Variants in VMP1 observed in about 807,000 individuals in gnomAD.
The protein encoded by VMP1 is vacuole membrane protein 1, also known as ectopic P-granules autophagy protein 3 homolog.
Under a neutral mutation model 56.0 loss-of-function variants are expected in VMP1, and 11 were observed. That is an observed-to-expected ratio of 0.20 (90% CI 0.12 to 0.32). VMP1 has a LOEUF of 0.32. Ranked by LOEUF, VMP1 falls within the 10% of genes least tolerant of loss-of-function variation. The probability of loss-of-function intolerance (pLI) is 1.00; values close to 1 mark genes in which losing one functional copy is unlikely to be tolerated. For synonymous variants in VMP1, 149 were observed against 165.0 expected (o/e 0.90, Z 0.74); for missense variants, 296 against 490.3 (o/e 0.60, Z 3.74).
intron 1 of VMP1, among the ~76,000 whole-genome samples, chr17:59,717,257 A>C (rs2034197814): frequency 6.6e-6 from 1 of 152,160 alleles, no homozygotes. Context: ...GGCATGAGCC[A>C]CCGCGCTCGG....
chr17:59,719,642 A>C (rs1287399710), intron 1 of VMP1, among the ~76,000 whole-genome samples: 2 of 152,208 alleles, frequency 1.3e-5, no homozygotes, highest in East Asian at 3.9e-4. Flanking sequence ...TGCTTTTATC[A>C]TGTTATCCAT....
chr17:59,743,128 A>G (rs1444418402), intron 5 of VMP1, among the ~76,000 whole-genome samples: 1 of 152,186 alleles, frequency 6.6e-6, no homozygotes, highest in Non-Finnish European at 1.5e-5. Context: ...CCCATAGTTT[A>G]TGGGATCTAC....
intron 1 of VMP1, among the ~76,000 whole-genome samples, chr17:59,710,101 G>T (rs1002575495): frequency 1.3e-5 from 2 of 152,142 alleles, no homozygotes; most frequent in African/African-American, 4.8e-5. Flanking sequence ...GGAGGCTGAG[G>T]CAGGAGAATG....
intron 6 of VMP1, among the ~76,000 whole-genome samples, chr17:59,768,068 C>T (rs965625176): frequency 3.3e-5 from 5 of 151,780 alleles, no homozygotes; most frequent in African/African-American, 4.8e-5. Flanking sequence ...CAAGATTGCA[C>T]CTCTGCACTT....
In VMP1 at chr17:59,757,359, G is replaced by A. The variant is rs1386702759; in HGVS notation, c.415-7612G>A. On this transcript the variant is annotated intron_variant, in intron 5 of 11. Transcript: ENST00000262291. ...TTGAATTCTAAGTTTCTCTTAATTA[G>A]AAGAACTAGTAGTGTATTGTTATTC... Among the ~76,000 whole-genome samples, 9 of 151,930 alleles carry A rather than the reference G, an allele frequency of 5.9e-5. No homozygotes were observed. In the East Asian group the frequency reaches 1.7e-3, roughly 29 times the overall value.
intron 1 of VMP1, among the ~76,000 whole-genome samples, chr17:59,723,843 A>G (rs1429030650): frequency 1.3e-5 from 2 of 152,208 alleles, no homozygotes; most frequent in Non-Finnish European, 2.9e-5. Context: ...AAATGCTGAC[A>G]TGGGTGAAGT....
chr17:59,803,951 T>C (rs2037758512), intron 7 of VMP1, among the ~76,000 whole-genome samples: 1 of 151,694 alleles, frequency 6.6e-6, no homozygotes, highest in Non-Finnish European at 1.5e-5. Flanking sequence ...TAAAAGGGAT[T>C]TTTTTTGTTT....
At chr17:59,714,732 C>T (rs1041644350) in intron 1 of VMP1, among the ~76,000 whole-genome samples, 1 of 152,068 alleles carries the variant, frequency 6.6e-6, no homozygotes, top group Non-Finnish European at 1.5e-5. Context: ...TGCAGTGGCA[C>T]GATCACAGCT....
At chr17:59,755,692 G>A (rs181507711) in intron 5 of VMP1, among the ~76,000 whole-genome samples, 349 of 151,766 alleles carry the variant, frequency 2.3e-3, no homozygotes, top group Admixed American at 3.6e-3. Context: ...TGCATGCCCC[G>A]GTTACTGCTT....
chr17:59,835,497 T>G (rs572587320), intron 10 of VMP1, among the ~76,000 whole-genome samples: 22 of 150,172 alleles, frequency 1.5e-4, no homozygotes, highest in Non-Finnish European at 2.5e-4. Flanking sequence ...TTTTTTGTTT[T>G]TTTTTTTTTT....
chr17:59,743,819 A>G (rs1270441223), intron 5 of VMP1, among the ~76,000 whole-genome samples: 1 of 151,992 alleles, frequency 6.6e-6, no homozygotes, highest in Non-Finnish European at 1.5e-5. Flanking sequence ...ATGATTTTCT[A>G]CATAGATAAT....
intron 1 of VMP1, among the ~76,000 whole-genome samples, chr17:59,726,832 T>G (rs971334026): frequency 6.6e-6 from 1 of 152,226 alleles, no homozygotes; most frequent in African/African-American, 2.4e-5. Context: ...ACATTATCTT[T>G]TGGCTGAATC....
At chr17:59,774,023 G>A (rs923470398) in intron 7 of VMP1, 138 bp downstream of exon 7, 3 of 949,430 alleles carry the variant, frequency 3.2e-6, no homozygotes, top group Non-Finnish European at 2.9e-6. Flanking sequence ...TATTGCTTGA[G>A]ATAGAATATT....
chr17:59,772,633 G>A (rs1282879960), intron 6 of VMP1, among the ~76,000 whole-genome samples: 7 of 151,910 alleles, frequency 4.6e-5, no homozygotes, highest in South Asian at 4.2e-4. Context: ...GCCAGACGTG[G>A]TGGCACACAC....
At chr17:59,723,049 T>C (rs182673498) in intron 1 of VMP1, among the ~76,000 whole-genome samples, 301 of 152,294 alleles carry the variant, frequency 2.0e-3, no homozygotes, top group African/African-American at 7.0e-3. Context: ...ACTCCTAAGA[T>C]CACCATTGTA....
chr17:59,838,898 A>C (rs1409089314), intron 11 of VMP1: 1 of 152,588 alleles, frequency 6.6e-6, no homozygotes, highest in Admixed American at 6.5e-5. Context: ...AGGCAAAGGG[A>C]AATGACTAGA....
At chr17:59,829,031 G>C (rs548355525) in intron 10 of VMP1, among the ~76,000 whole-genome samples, 1 of 152,126 alleles carries the variant, frequency 6.6e-6, no homozygotes, top group East Asian at 1.9e-4. Flanking sequence ...CAGGAGAATC[G>C]CTTGAAGCCG....
intron 6 of VMP1, among the ~76,000 whole-genome samples, chr17:59,767,696 T>G (rs973752653): frequency 4.6e-5 from 7 of 152,244 alleles, no homozygotes; most frequent in Non-Finnish European, 7.3e-5. Context: ...TAGTGCTTAT[T>G]AGGCCTGGCT....
At chr17:59,816,842 A>T (rs1034360575) in intron 9 of VMP1, among the ~76,000 whole-genome samples, 5 of 151,500 alleles carry the variant, frequency 3.3e-5, no homozygotes, top group Non-Finnish European at 7.4e-5. Flanking sequence ...GCTACTTGAG[A>T]GGCTGAGGTA....
Sources: allele counts gnomAD v4.1 joint callset (sites outside exome capture counted in the v4.1 genomes callset), GRCh38; gene constraint gnomAD v4.1.1; transcripts MANE v1.5; gene names NCBI Gene and HGNC (gene_info 2026-07-23, HGNC 2026-07-21).